EXT2: variants seen among roughly 807,000 people sequenced by gnomAD.
EXT2 encodes the protein exostosin glycosyltransferase 2.
A neutral mutation model predicts 81.6 loss-of-function variants in EXT2; 53 were observed. That is an observed-to-expected ratio of 0.65 (90% CI 0.52 to 0.82). EXT2 has a LOEUF of 0.82. EXT2 is among the 40% of genes least tolerant of loss of function. The pLI is 0.00. For missense variants in EXT2, 774 were observed against 910.2 expected (o/e 0.85, Z 1.93); for synonymous variants, 320 against 340.0 (o/e 0.94, Z 0.65).
intron 13 of EXT2, among the ~76,000 whole-genome samples, chr11:44,238,153 GTAAC>G (rs1432056520): frequency 6.6e-6 from 1 of 152,104 alleles, no homozygotes; most frequent in Non-Finnish European, 1.5e-5. Context: ...ACTGGAGTGA[GTAAC>G]TAAGGGAGAT....
rs1174406948 is a variant in EXT2, at chr11:44,247,923, C to G, written c.*3636C>G. On this transcript the variant is annotated 3_prime_UTR_variant, in exon 14 of 14. Transcript: ENST00000533608. ...TTGATTTGAGGTTAAAATCCAAGAA[C>G]CTTTGATAGTTTTCAGCCAAGATAG... Among the ~76,000 whole-genome samples the G allele has an allele frequency of 1.3e-5, 2 of 152,108 alleles. No homozygotes were observed. Among genetic ancestry groups the G allele is most frequent in the Non-Finnish European group, 2.9e-5 (2 of 68,016 alleles).
chr11:44,110,338 G>C (rs1317280201), intron 3 of EXT2, among the ~76,000 whole-genome samples: 2 of 152,156 alleles, frequency 1.3e-5, no homozygotes, highest in Admixed American at 6.5e-5. Flanking sequence ...AACTACACAA[G>C]ACAAACACTC....
chr11:44,197,141 G>A (rs1166358143), intron 8 of EXT2, among the ~76,000 whole-genome samples: 1 of 152,126 alleles, frequency 6.6e-6, no homozygotes, highest in African/African-American at 2.4e-5. Flanking sequence ...CAGTTTCCTT[G>A]GAGAGGAAAC....
intron 11 of EXT2, among the ~76,000 whole-genome samples, chr11:44,233,088 A>G (rs1955918396): frequency 6.6e-6 from 1 of 152,174 alleles, no homozygotes; most frequent in African/African-American, 2.4e-5. Context: ...GAATTATTAT[A>G]TCAAAGGGCA....
intron 7 of EXT2, among the ~76,000 whole-genome samples, chr11:44,150,113 G>A (rs542100318): frequency 3.8e-4 from 58 of 152,242 alleles, no homozygotes; most frequent in African/African-American, 1.3e-3. Context: ...AACTGGAGGA[G>A]GTTAAGAGAT....
chr11:44,132,712 A>G (rs1239465535), intron 7 of EXT2, among the ~76,000 whole-genome samples: 1 of 152,176 alleles, frequency 6.6e-6, no homozygotes, highest in Non-Finnish European at 1.5e-5. Flanking sequence ...ACAGTCCACT[A>G]TGCCAGCTTA....
chr11:44,144,370 A>G (rs764376908), intron 7 of EXT2: 3 of 1,556,694 alleles, frequency 1.9e-6, no homozygotes, highest in African/African-American at 1.4e-5. Context: ...CGGGCCCAGC[A>G]GAAATGAATC....
intron 8 of EXT2, among the ~76,000 whole-genome samples, chr11:44,174,185 A>G (rs1424875761): frequency 2.6e-5 from 4 of 152,184 alleles, no homozygotes; most frequent in Non-Finnish European, 4.4e-5. Context: ...GAGTTTTCTC[A>G]GATAATTCTA....
At chr11:44,103,561 T>A in intron 1 of EXT2, 1 of 380,052 alleles carries the variant, frequency 2.6e-6, no homozygotes, top group Non-Finnish European at 5.0e-6. Context: ...TGTTTCCTCT[T>A]TTTTTTCTGA....
intron 8 of EXT2, among the ~76,000 whole-genome samples, chr11:44,184,228 CT>C (rs1329000271): frequency 6.6e-6 from 1 of 152,218 alleles, no homozygotes; most frequent in Non-Finnish European, 1.5e-5. Flanking sequence ...AGCTCTTTCT[CT>C]TTCTGCAAGT....
Position 44,220,258 on chromosome 11 carries a change from C to G in EXT2, c.1663-12095C>G, listed in dbSNP as rs1955767553. On this transcript the variant is annotated intron_variant, in intron 10 of 13. Coordinates refer to ENST00000533608, the MANE Select transcript of EXT2 (RefSeq NM_207122.2). The surrounding 1 kb of genome is among the most constrained non-coding windows in gnomAD (Gnocchi z 4.4). ...TGCCAAAGTTGAGCTTTTAGAAAAC[C>G]ATAATTTTTTTAGGCCTGTTGTGTA... Among the ~76,000 whole-genome samples, 1 of 152,146 alleles carries G rather than the reference C, an allele frequency of 6.6e-6. No homozygotes were observed. Among genetic ancestry groups the G allele is most frequent in the African/African-American group, 2.4e-5 (1 of 41,410 alleles).
chr11:44,181,461 G>C (rs75017409), intron 8 of EXT2, among the ~76,000 whole-genome samples: 15,065 of 152,074 alleles, frequency 0.099, 754 homozygotes, highest in Middle Eastern at 0.18. Context: ...TTATTTTTCT[G>C]TTTTCTCTTT....
intron 4 of EXT2, chr11:44,116,628 A>G (rs551489497): frequency 1.3e-5 from 2 of 152,242 alleles, no homozygotes; most frequent in Non-Finnish European, 2.9e-5. Flanking sequence ...CCCACCAGCC[A>G]TGTATGAGGG....
chr11:44,110,439 A>G (rs1006091949), intron 3 of EXT2, among the ~76,000 whole-genome samples: 3 of 152,198 alleles, frequency 2.0e-5, no homozygotes, highest in African/African-American at 7.2e-5. Context: ...GGCTGAACAC[A>G]GGGTAATTCC....
intron 2 of EXT2, 51 bp downstream of exon 2, chr11:44,108,299 C>T (rs1954092823): frequency 6.3e-7 from 1 of 1,581,376 alleles, no homozygotes; most frequent in Non-Finnish European, 8.6e-7. Context: ...GAGTGGCCCT[C>T]AGGGAACTAA....
intron 7 of EXT2, 108 bp from the exon 8 acceptor site, chr11:44,171,503 C>T: frequency 1.3e-6 from 2 of 1,561,846 alleles, no homozygotes; most frequent in Non-Finnish European, 1.8e-6. Context: ...ATCCCTACAA[C>T]TTTGGGAATA....
At chr11:44,208,454 A>G (rs1224554627) in intron 10 of EXT2, among the ~76,000 whole-genome samples, 1 of 152,256 alleles carries the variant, frequency 6.6e-6, no homozygotes, top group Non-Finnish European at 1.5e-5. Flanking sequence ...AGACTATGTT[A>G]ATGCGAGGAA....
Position 44,247,734 on chromosome 11 carries a change from G to T in EXT2, c.*3447G>T, listed in dbSNP as rs1343451797. On this transcript the variant is annotated 3_prime_UTR_variant, in exon 14 of 14. Coordinates refer to ENST00000533608, the MANE Select transcript of EXT2 (RefSeq NM_207122.2). Reference sequence around the variant, plus strand: ...TGCTGACGCAGACTGGGAGCTGGAAGAGACAAGCTCCCTCTTTGCTCTCAT... The same window carrying T: ...TGCTGACGCAGACTGGGAGCTGGAATAGACAAGCTCCCTCTTTGCTCTCAT... 3.3e-5 allele frequency among the ~76,000 whole-genome samples: 5 copies of T among 152,230 alleles called. No homozygotes were observed. The highest frequency in any genetic ancestry group is 2.1e-4 in the South Asian group (1 of 4,834).
chr11:44,169,009 C>G (rs1955033514), intron 7 of EXT2, among the ~76,000 whole-genome samples: 1 of 152,104 alleles, frequency 6.6e-6, no homozygotes, highest in African/African-American at 2.4e-5. Flanking sequence ...ATCACAAGAT[C>G]AGGAGTTTGA....
Sources: gnomAD v4.1 joint callset for allele counts (sites outside exome capture counted in the v4.1 genomes callset) on GRCh38, gnomAD v4.1.1 for gene constraint, Gnocchi (gnomAD v3.1) non-coding constraint, MANE v1.5 for transcripts, NCBI Gene and HGNC (gene_info 2026-07-23, HGNC 2026-07-21) for gene names.